Variants in NDUFS2 observed in about 807,000 individuals in gnomAD.
NDUFS2 encodes the protein NADH dehydrogenase [ubiquinone] iron-sulfur protein 2, mitochondrial.
NDUFS2 carries 38 observed loss-of-function variants against 69.6 expected under a neutral mutation model. The observed-to-expected ratio is 0.55, with a 90% CI of 0.42 to 0.72. The LOEUF is 0.72. NDUFS2 is among the 30% of genes least tolerant of loss of function. The probability of loss-of-function intolerance (pLI) is 0.00; values close to 1 mark genes in which losing one functional copy is unlikely to be tolerated. For synonymous variants in NDUFS2, 194 were observed against 211.2 expected (o/e 0.92, Z 0.70); for missense variants, 468 against 595.0 (o/e 0.79, Z 2.22).
chr1:161,199,664 A>T (rs1665030486), upstream of NDUFS2: 1 of 152,390 alleles, frequency 6.6e-6, no homozygotes, highest in African/African-American at 2.4e-5. Flanking sequence ...TGACTGCCCA[A>T]AGGTAGGATG....
intron 3 of NDUFS2, among the ~76,000 whole-genome samples, chr1:161,208,641 C>T (rs182956516): frequency 5.3e-5 from 8 of 152,342 alleles, no homozygotes; most frequent in African/African-American, 1.9e-4. Context: ...CTCATACGGG[C>T]TTGCAAGAGT....
chr1:161,198,797 A>G, upstream of NDUFS2: 4 of 622,314 alleles, frequency 6.4e-6, no homozygotes, highest in Non-Finnish European at 1.1e-5. This position sits in a 1 kb window ranked among gnomAD's most constrained non-coding sequence, Gnocchi z 4.7. Flanking sequence ...GAGAAAACTT[A>G]GTCCTTGGGC....
chr1:161,202,344 T>C, upstream of NDUFS2: 2 of 1,576,850 alleles, frequency 1.3e-6, no homozygotes, highest in Middle Eastern at 1.7e-4. Flanking sequence ...CTGGAGTTAC[T>C]TCCGCCCGGT....
upstream of NDUFS2, chr1:161,198,692 C>G: frequency 2.9e-6 from 4 of 1,385,044 alleles, no homozygotes; most frequent in Non-Finnish European, 3.8e-6. This position sits in a 1 kb window ranked among gnomAD's most constrained non-coding sequence, Gnocchi z 4.7. Context: ...CACACCCTAG[C>G]TTTGGAAAGC....
Position 161,206,501 on chromosome 1 carries a change from G to A in NDUFS2, c.297G>A (p.Met99Ile). 1 of 1,614,252 alleles carries A rather than the reference G, an allele frequency of 6.2e-7. No individual in the cohort carries two copies. Residue 99 changes from methionine to isoleucine, a missense_variant, in exon 3 of 14, where the codon ATG becomes ATA. Physicochemically the swap from Met to Ile is conservative, Grantham distance 10. Around this residue, in one of 3 missense-constraint regions of NDUFS2, gnomAD observed 339 missense variants for 433.8 expected, o/e 0.78. Transcript: ENST00000676972. Reference protein sequence around the residue: ...PAAHGVLRLVMELSGEMVRKC... With the variant: ...PAAHGVLRLVIELSGEMVRKC... ...CGCATGGTGTCCTGCGACTAGTGATGGAATTGAGTGGGGAGATGGTGCGGA... is the reference window on the plus strand; with the variant it reads ...CGCATGGTGTCCTGCGACTAGTGATAGAATTGAGTGGGGAGATGGTGCGGA...
chr1:161,209,404 A>G, intron 4 of NDUFS2, 79 bp from the exon 5 acceptor site: 1 of 1,610,298 alleles, frequency 6.2e-7, no homozygotes, highest in Non-Finnish European at 8.5e-7. Context: ...CTTAGTGTTC[A>G]GACCCCAGGC....
chr1:161,212,304 C>G (rs994482363), intron 9 of NDUFS2, 47 bp from the exon 10 acceptor site: 1 of 1,611,630 alleles, frequency 6.2e-7, no homozygotes, highest in Middle Eastern at 1.7e-4. Context: ...TAGCCCCATA[C>G]CTGCTCCTCT....
chr1:161,202,638 G>T (rs879393718), intron 1 of NDUFS2, among the ~76,000 whole-genome samples, 158 bp downstream of exon 1: 3 of 152,206 alleles, frequency 2.0e-5, no homozygotes, highest in Non-Finnish European at 4.4e-5. Flanking sequence ...CCACTCTGGC[G>T]AGGGAGGGGA....
At chr1:161,209,442 GT>G (rs776592907) in intron 4 of NDUFS2, 40 bp from the exon 5 acceptor site, 1 of 1,610,802 alleles carries the variant, frequency 6.2e-7, no homozygotes, top group Non-Finnish European at 8.5e-7. Context: ...GTCCGCCTCA[GT>G]GCTTGGCTCC....
chr1:161,210,318 T>C lies in NDUFS2; in HGVS notation c.795T>C (p.Asn265=), dbSNP rs1437553000. 4 of 1,613,926 alleles carry C rather than the reference T, an allele frequency of 2.5e-6. No individual in the cohort carries two copies. Among genetic ancestry groups the C allele is most frequent in the Non-Finnish European group, 3.4e-6 (4 of 1,179,936 alleles). Residue 265 remains asparagine (N), a synonymous_variant, in exon 8 of 14, where the codon AAT becomes AAC. Coordinates refer to ENST00000676972, the MANE Select transcript of NDUFS2 (RefSeq NM_001377299.1). Reference sequence around the variant, plus strand: ...TTGATCAATAGTTGCTGACCAACAATAGGATCTGGCGAAATCGGACAATTG... The same window carrying C: ...TTGATCAATAGTTGCTGACCAACAACAGGATCTGGCGAAATCGGACAATTG... ...LDELEELLTN[N]RIWRNRTIDI...
In NDUFS2 at chr1:161,209,291, T is replaced by G. The variant is rs747894340; in HGVS notation, c.492T>G (p.Pro164=). Residue 164 remains proline, a synonymous_variant, in exon 4 of 14, where the codon CCT becomes CCG. Coordinates refer to ENST00000676972, the MANE Select transcript of NDUFS2 (RefSeq NM_001377299.1). ...AVEKLLNIRP[P]PRAQWIRVLF... ...AGAAGTTGCTAAACATCCGGCCTCCTCCTCGGGCACAGTGGATCCGAGGTA... is the reference window on the plus strand; with the variant it reads ...AGAAGTTGCTAAACATCCGGCCTCCGCCTCGGGCACAGTGGATCCGAGGTA... 5 of 1,614,028 alleles carry G rather than the reference T, an allele frequency of 3.1e-6. No homozygotes were observed. The highest frequency in any genetic ancestry group is 1.7e-5 in the Admixed American group (1 of 59,984).
chr1:161,201,829 G>C (rs1665141002), upstream of NDUFS2, among the ~76,000 whole-genome samples: 1 of 152,168 alleles, frequency 6.6e-6, no homozygotes, highest in Admixed American at 6.5e-5. Flanking sequence ...GGTTTGGCGG[G>C]AGCTCTCAGA....
intron 10 of NDUFS2, chr1:161,213,077 G>A: frequency 2.8e-6 from 1 of 353,774 alleles, no homozygotes; most frequent in South Asian, 2.2e-5. Context: ...GCTAATTTTT[G>A]TATTTTTAGT....
chr1:161,209,937 C>CA lies in NDUFS2; in HGVS notation c.702+7dup. 6.2e-7 allele frequency: 1 copy of CA among 1,613,926 alleles called. No individual in the cohort carries two copies. The highest frequency in any genetic ancestry group is 8.5e-7 in the Non-Finnish European group (1 of 1,179,958). ...GGCCAGGAGGAGTGCACCAGGTGAG[C>CA]AGGTCCCCGGCTTCCCCAAATGTCC... is the stretch of plus-strand genomic sequence containing the variant. On this transcript the variant is annotated splice_region_variant and intron_variant, in intron 6 of 13. Coordinates refer to ENST00000676972, the MANE Select transcript of NDUFS2 (RefSeq NM_001377299.1).
chr1:161,203,305 T>C, intron 1 of NDUFS2, 132 bp from the exon 2 acceptor site: 1 of 770,942 alleles, frequency 1.3e-6, no homozygotes, highest in South Asian at 1.5e-5. Flanking sequence ...AAACCCAGTC[T>C]CAAAAAAAAC....
chr1:161,202,549 C>G (rs1665198411), intron 1 of NDUFS2, 69 bp downstream of exon 1: 8 of 1,428,410 alleles, frequency 5.6e-6, no homozygotes, highest in Middle Eastern at 1.8e-4. Flanking sequence ...GGACGCTTTA[C>G]TCCCCCAGAA....
chr1:161,202,338 A>G, upstream of NDUFS2: 1 of 1,559,724 alleles, frequency 6.4e-7, no homozygotes, highest in Non-Finnish European at 8.7e-7. Flanking sequence ...GGCGCGCTGG[A>G]GTTACTTCCG....
At chr1:161,206,637 GTTGC>G (rs1558083553) in intron 3 of NDUFS2, 40 bp downstream of exon 3, 1 of 1,606,224 alleles carries the variant, frequency 6.2e-7, no homozygotes, top group Non-Finnish European at 8.5e-7. Context: ...GGGATCTGGG[GTTGC>G]TTTAGCCTGG....
Position 161,209,180 on chromosome 1 carries a change from TC to T in NDUFS2, c.394-10del. On this transcript the variant is annotated splice_polypyrimidine_tract_variant and intron_variant, in intron 3 of 13. Coordinates refer to ENST00000676972, the MANE Select transcript of NDUFS2 (RefSeq NM_001377299.1). ...GCCTGTTAGATGTGACCCACATTCC[TC>T]CCTCTTCCCAGGCCCTTCCATACTT... 1 of 1,614,194 alleles carries T rather than the reference TC, an allele frequency of 6.2e-7. No individual in the cohort carries two copies. The highest frequency in any genetic ancestry group is 8.5e-7 in the Non-Finnish European group (1 of 1,180,022).
Sources: allele counts gnomAD v4.1 joint callset (sites outside exome capture counted in the v4.1 genomes callset), GRCh38; gene constraint gnomAD v4.1.1; regional missense constraint gnomAD v4.1.1; non-coding constraint Gnocchi (gnomAD v3.1); transcripts MANE v1.5; gene names NCBI Gene and HGNC (gene_info 2026-07-23, HGNC 2026-07-21).